The following PRR16 variants were observed in gnomAD, a reference collection of about 807,000 sequenced individuals.
PRR16 encodes proline rich 16, also known as protein Largen.
In PRR16, 6 loss-of-function variants were observed where a neutral mutation model predicts 18.2. That is an observed-to-expected ratio of 0.33 (90% CI 0.18 to 0.65). The LOEUF (loss-of-function observed/expected upper bound fraction) is 0.65, where lower values mean the gene tolerates loss of function less well. Ranked by LOEUF, PRR16 falls within the 30% of genes least tolerant of loss-of-function variation. The pLI is 0.74. For synonymous variants in PRR16, 151 were observed against 147.8 expected (o/e 1.02, Z -0.16); for missense variants, 412 against 376.6 (o/e 1.09, Z -0.78).
chr5:120,756,904 T>C, the PRR16 span, among the ~76,000 whole-genome samples: 2 of 152,138 alleles, frequency 1.3e-5, no homozygotes, highest in Non-Finnish European at 2.9e-5. Context: ...TTAGGTTTTC[T>C]TGGGGAAACC....
intron 1 of PRR16, among the ~76,000 whole-genome samples, chr5:120,596,985 T>C (rs1293437037): frequency 2.0e-5 from 3 of 151,766 alleles, no homozygotes; most frequent in Non-Finnish European, 4.4e-5. Context: ...CAAAAATTTA[T>C]TTATCTACTC....
At chr5:120,536,374 CT>C (rs1173594122) in intron 1 of PRR16, among the ~76,000 whole-genome samples, 1 of 152,152 alleles carries the variant, frequency 6.6e-6, no homozygotes, top group African/African-American at 2.4e-5. Context: ...GTAGTCACCT[CT>C]TTTTTAGTGC....
chr5:120,495,506 G>A (rs1447454664), intron 1 of PRR16, among the ~76,000 whole-genome samples: 1 of 152,000 alleles, frequency 6.6e-6, no homozygotes, highest in Non-Finnish European at 1.5e-5. Flanking sequence ...TCATTCATGT[G>A]GATTCAAAAT....
chr5:120,769,138 AC>A, the PRR16 span, among the ~76,000 whole-genome samples: 1 of 151,658 alleles, frequency 6.6e-6, no homozygotes, highest in Non-Finnish European at 1.5e-5. Context: ...ACAATGTTGA[AC>A]CTTTAAATTT....
chr5:120,656,087 AC>A (rs1755965473), intron 1 of PRR16, among the ~76,000 whole-genome samples: 1 of 151,476 alleles, frequency 6.6e-6, no homozygotes, highest in South Asian at 2.1e-4. Flanking sequence ...AGAATTCCAA[AC>A]CCCCTAACTG....
intron 1 of PRR16, among the ~76,000 whole-genome samples, chr5:120,580,349 A>G (rs1365577957): frequency 2.6e-5 from 4 of 152,012 alleles, no homozygotes; most frequent in Non-Finnish European, 4.4e-5. Context: ...CCCATTCAAT[A>G]TAGTATTGGC....
intron 1 of PRR16, among the ~76,000 whole-genome samples, chr5:120,473,582 C>A (rs1278706423): frequency 1.3e-5 from 2 of 152,104 alleles, no homozygotes; most frequent in Non-Finnish European, 2.9e-5. Context: ...ATAAAGCAAG[C>A]ATTGTATGTG....
chr5:120,639,791 A>G (rs1344358292), intron 1 of PRR16, among the ~76,000 whole-genome samples: 1 of 151,714 alleles, frequency 6.6e-6, no homozygotes, highest in Non-Finnish European at 1.5e-5. Context: ...AATACTAGAT[A>G]CATACCCAAA....
chr5:120,712,973 C>A, the PRR16 span, among the ~76,000 whole-genome samples: 1 of 151,870 alleles, frequency 6.6e-6, no homozygotes, highest in African/African-American at 2.4e-5. Context: ...CGTATATGAC[C>A]AAAGGAAATA....
chr5:120,692,848 TACA>T, the PRR16 span, among the ~76,000 whole-genome samples: 2 of 152,206 alleles, frequency 1.3e-5, no homozygotes, highest in African/African-American at 2.4e-5. Context: ...TGAGTTTTAT[TACA>T]ACTTTTAACA....
intron 1 of PRR16, among the ~76,000 whole-genome samples, chr5:120,468,871 C>T (rs1749183311): frequency 6.6e-6 from 1 of 152,166 alleles, no homozygotes. Flanking sequence ...AACAAGGCTA[C>T]TATATGAGTT....
At chr5:120,596,064 C>T (rs1242677934) in intron 1 of PRR16, among the ~76,000 whole-genome samples, 2 of 151,428 alleles carry the variant, frequency 1.3e-5, no homozygotes, top group Non-Finnish European at 3.0e-5. Flanking sequence ...TTATGACTTA[C>T]AATTTTATCT....
At chr5:120,715,172 G>A in the PRR16 span, among the ~76,000 whole-genome samples, 1 of 151,146 alleles carries the variant, frequency 6.6e-6, no homozygotes, top group Non-Finnish European at 1.5e-5. Flanking sequence ...CATCTCCTCT[G>A]TTAGGAGTCT....
At chr5:120,789,080 A>C in the PRR16 span, among the ~76,000 whole-genome samples, 1 of 152,092 alleles carries the variant, frequency 6.6e-6, no homozygotes, top group African/African-American at 2.4e-5. Context: ...GGGTTAAAAC[A>C]GGGGGTTCTC....
intron 1 of PRR16, among the ~76,000 whole-genome samples, chr5:120,630,809 C>T (rs1755027182): frequency 6.6e-6 from 1 of 152,028 alleles, no homozygotes; most frequent in Admixed American, 6.6e-5. Flanking sequence ...GGTTTATTTC[C>T]ACACCAGCTC....
intron 1 of PRR16, among the ~76,000 whole-genome samples, chr5:120,530,596 C>T (rs934544506): frequency 6.6e-6 from 1 of 151,752 alleles, no homozygotes; most frequent in African/African-American, 2.4e-5. Context: ...TAAGTGTGAG[C>T]GACTAGCATG....
the PRR16 span, among the ~76,000 whole-genome samples, chr5:120,777,126 A>AC: frequency 6.6e-6 from 1 of 152,016 alleles, no homozygotes; most frequent in African/African-American, 2.4e-5. Context: ...GGAGGTTAAC[A>AC]CCAGGGCAAA....
At chr5:120,537,135 C>A (rs1341342839) in intron 1 of PRR16, among the ~76,000 whole-genome samples, 1 of 152,050 alleles carries the variant, frequency 6.6e-6, no homozygotes, top group Non-Finnish European at 1.5e-5. Context: ...TACAACAAAC[C>A]CTCAAGACAT....
chr5:120,491,509 C>G (rs1253037539), intron 1 of PRR16, among the ~76,000 whole-genome samples: 1 of 143,860 alleles, frequency 7.0e-6, no homozygotes, highest in Non-Finnish European at 1.5e-5. Context: ...CTTCTTTTCT[C>G]TCTGTCTTTC....
Sources: gnomAD v4.1 joint callset for allele counts (sites outside exome capture counted in the v4.1 genomes callset) on GRCh38, gnomAD v4.1.1 for gene constraint, MANE v1.5 for transcripts, NCBI Gene and HGNC (gene_info 2026-07-23, HGNC 2026-07-21) for gene names.